MTR: variants seen among roughly 807,000 people sequenced by gnomAD.
MTR encodes the protein 5-methyltetrahydrofolate-homocysteine methyltransferase.
A neutral mutation model predicts 154.8 loss-of-function variants in MTR; 84 were observed. That is an observed-to-expected ratio of 0.54 (90% CI 0.45 to 0.65). The LOEUF is 0.65. Ranked by LOEUF, MTR falls within the 30% of genes least tolerant of loss-of-function variation. The probability of loss-of-function intolerance (pLI) is 0.00; values close to 1 mark genes in which losing one functional copy is unlikely to be tolerated. For synonymous variants in MTR, 554 were observed against 553.9 expected (o/e 1.00, Z 0.00); for missense variants, 1,275 against 1,570.2 (o/e 0.81, Z 3.18).
rs12072008 is a variant in MTR at position 236,830,917 on chromosome 1, C to T, written c.1076-1049C>T. Among the ~76,000 whole-genome samples the T allele has an allele frequency of 4.5e-3, 687 of 152,334 alleles. 6 individuals carry two copies. The highest frequency in any genetic ancestry group is 0.016 in the African/African-American group (650 of 41,572). On this transcript the variant is annotated intron_variant, in intron 12 of 32. Coordinates refer to ENST00000366577, the MANE Select transcript of MTR (RefSeq NM_000254.3). The stretch of plus-strand genomic sequence containing the variant: ...ATTTTTCTCTGCCTCATATCTGTTT[C>T]TTCCTCAGCTCATGCTTTGGCAAAG...
chr1:236,894,150 T>C (rs565157288), intron 29 of MTR, among the ~76,000 whole-genome samples: 5 of 152,342 alleles, frequency 3.3e-5, no homozygotes, highest in African/African-American at 4.8e-5. Flanking sequence ...ATTTCATTTG[T>C]TTATCTTACA....
chr1:236,884,489 T>C (rs1221956197), intron 25 of MTR, among the ~76,000 whole-genome samples: 5 of 151,948 alleles, frequency 3.3e-5, no homozygotes, highest in African/African-American at 4.8e-5. Context: ...TGAAAGGATA[T>C]AGGTTAAAAT....
At chr1:236,851,222 C>G (rs1373304592) in intron 16 of MTR, among the ~76,000 whole-genome samples, 1 of 152,198 alleles carries the variant, frequency 6.6e-6, no homozygotes, top group African/African-American at 2.4e-5. Context: ...ATATTATTCC[C>G]AAAGAGGGCA....
intron 15 of MTR, among the ~76,000 whole-genome samples, chr1:236,840,301 AACTGTGGGT>A (rs1322789619): frequency 6.6e-6 from 1 of 152,214 alleles, no homozygotes; most frequent in Non-Finnish European, 1.5e-5. Flanking sequence ...CAAGCATATA[AACTGTGGGT>A]ATGTATTCTT....
intron 29 of MTR, among the ~76,000 whole-genome samples, chr1:236,893,035 G>A (rs1666417108): frequency 6.6e-6 from 1 of 152,150 alleles, no homozygotes; most frequent in African/African-American, 2.4e-5. Context: ...ACATTCTGGT[G>A]GCAGTGCCTT....
chr1:236,897,444 G>A, intron 32 of MTR, 114 bp from the exon 33 acceptor site: 1 of 1,019,830 alleles, frequency 9.8e-7, no homozygotes, highest in South Asian at 1.3e-5. Flanking sequence ...TCTGTAGATT[G>A]CTATTAAGAC....
chr1:236,807,374 A>G lies in MTR; in HGVS notation c.339+1141A>G, dbSNP rs530844013. ...TTTTTTGTAGAGACAGGGTTTTGCC[A>G]TGTTGCCCAGGCTGGTCTCCAATTC... is the stretch of plus-strand genomic sequence containing the variant. On this transcript the variant is annotated intron_variant, in intron 3 of 32. Coordinates refer to ENST00000366577, the MANE Select transcript of MTR (RefSeq NM_000254.3). Among the ~76,000 whole-genome samples, 3 of 152,176 alleles carry G rather than the reference A, an allele frequency of 2.0e-5. No individual in the cohort carries two copies. In the South Asian group the frequency reaches 6.2e-4, roughly 32 times the overall value.
chr1:236,837,285 C>T lies in MTR; in HGVS notation c.1330-1129C>T, dbSNP rs143024125. On this transcript the variant is annotated intron_variant, in intron 14 of 32. Coordinates refer to ENST00000366577, the MANE Select transcript of MTR (RefSeq NM_000254.3). ...GGTAGCGTGCCTTTTCTTTTTTGCTCGTTTGGTGGCGTGGCTTAGGAAATT... is the reference window on the plus strand; with the variant it reads ...GGTAGCGTGCCTTTTCTTTTTTGCTTGTTTGGTGGCGTGGCTTAGGAAATT... 7.2e-3 allele frequency among the ~76,000 whole-genome samples: 1,099 copies of T among 152,114 alleles called. 9 individuals carry two copies. Among genetic ancestry groups the T allele is most frequent in the Non-Finnish European group, 0.01 (680 of 67,986 alleles).
chr1:236,843,228 A>G (rs1010742512), intron 15 of MTR, among the ~76,000 whole-genome samples: 28 of 152,154 alleles, frequency 1.8e-4, no homozygotes, highest in African/African-American at 6.3e-4. Context: ...GGAAGGCCTC[A>G]TGGATGATGT....
intron 6 of MTR, among the ~76,000 whole-genome samples, chr1:236,813,316 A>G (rs1050100696): frequency 6.6e-6 from 1 of 152,162 alleles, no homozygotes; most frequent in Non-Finnish European, 1.5e-5. Flanking sequence ...GCAAAGGCAC[A>G]TAAGTGTATA....
At position 236,880,825 on chromosome 1, in the gene MTR, A is replaced by T; in HGVS notation, c.2665A>T (p.Ser889Cys). Residue 889 changes from serine (S) to cysteine (C), a missense_variant, in exon 25 of 33, where the codon AGT becomes TGT. Coordinates refer to ENST00000366577, the MANE Select transcript of MTR (RefSeq NM_000254.3). ...AATCCATGTCCTGGACGCGTCCAAG[A>T]GTGTGGTGGTGGTAAGTGGGTGACC... is the stretch of plus-strand genomic sequence containing the variant. ...PVIHVLDASK[S>C]VVVCSQLLDE... 6.2e-7 allele frequency: 1 copy of T among 1,614,100 alleles called. No homozygotes were observed.
At chr1:236,874,289 CTG>C (rs920604504) in intron 23 of MTR, among the ~76,000 whole-genome samples, 4 of 152,044 alleles carry the variant, frequency 2.6e-5, no homozygotes, top group African/African-American at 9.7e-5. Context: ...GAATTAGAAA[CTG>C]GGGATGGGCG....
At chr1:236,844,747 C>CG (rs1663473564) in intron 15 of MTR, among the ~76,000 whole-genome samples, 1 of 152,008 alleles carries the variant, frequency 6.6e-6, no homozygotes, top group South Asian at 2.1e-4. Context: ...GATGTGCTGG[C>CG]GGGAGTCTAT....
chr1:236,860,069 GCCCCCCCCCCCCCCCC>G, intron 19 of MTR, 147 bp downstream of exon 19: 1 of 292,752 alleles, frequency 3.4e-6, no homozygotes, highest in Non-Finnish European at 6.4e-6. Context: ...TCCCCCAGCT[GCCCCCCCCCCCCCCCC>G]CCCCCACCAT....
At chr1:236,807,942 C>T (rs1234398195) in intron 3 of MTR, among the ~76,000 whole-genome samples, 2 of 152,078 alleles carry the variant, frequency 1.3e-5, no homozygotes, top group East Asian at 1.9e-4. Context: ...CAAAAACAGG[C>T]GGTGGACCCA....
rs1666189564 is a variant in MTR, at chr1:236,889,294, C to G, written c.2965C>G (p.Pro989Ala). 2.5e-6 allele frequency: 4 copies of G among 1,614,088 alleles called. No individual in the cohort carries two copies. Among genetic ancestry groups the G allele is most frequent in the Non-Finnish European group, 2.5e-6 (3 of 1,180,044 alleles). Residue 989 changes from proline to alanine, a missense_variant, in exon 28 of 33, where the codon CCG (proline) becomes GCG (alanine). Pro to Ala is a conservative substitution (Grantham distance 27). Coordinates refer to ENST00000366577, the MANE Select transcript of MTR (RefSeq NM_000254.3). ...TGTCTGGCAGCTCCGGGGCAAGTACCCGAATCGAGGCTTTCCCAAGATATT... is the reference window on the plus strand; with the variant it reads ...TGTCTGGCAGCTCCGGGGCAAGTACGCGAATCGAGGCTTTCCCAAGATATT... ...FDVWQLRGKY[P>A]NRGFPKIFND...
At chr1:236,848,393 G>A (rs1663710571) in intron 15 of MTR, among the ~76,000 whole-genome samples, 1 of 152,098 alleles carries the variant, frequency 6.6e-6, no homozygotes, top group Non-Finnish European at 1.5e-5. Flanking sequence ...AGTAGCATTG[G>A]TCGCCCCTGT....
intron 5 of MTR, 70 bp downstream of exon 5, chr1:236,810,665 TGTAAAATG>T: frequency 1.5e-6 from 2 of 1,299,630 alleles, no homozygotes; most frequent in Non-Finnish European, 2.2e-6. Context: ...GCTATAAATC[TGTAAAATG>T]GAATCAATAA....
At chr1:236,878,344 A>G (rs1005373893) in intron 24 of MTR, among the ~76,000 whole-genome samples, 2 of 152,182 alleles carry the variant, frequency 1.3e-5, no homozygotes, top group Non-Finnish European at 2.9e-5. Context: ...CCCACAAACC[A>G]GTGGAGGACT....
Sources: allele counts gnomAD v4.1 joint callset (sites outside exome capture counted in the v4.1 genomes callset), GRCh38; gene constraint gnomAD v4.1.1; transcripts MANE v1.5; gene names NCBI Gene and HGNC (gene_info 2026-07-23, HGNC 2026-07-21).